Variants in SDK1 observed in about 807,000 individuals in gnomAD.
SDK1 encodes protein sidekick-1.
In SDK1, 157 loss-of-function variants were observed where a neutral mutation model predicts 245.5. The observed-to-expected ratio is 0.64, with a 90% CI of 0.56 to 0.73. SDK1 has a LOEUF of 0.73. Ranked by LOEUF, SDK1 falls within the 30% of genes least tolerant of loss-of-function variation. The probability of loss-of-function intolerance (pLI) is 0.00; values close to 1 mark genes in which losing one functional copy is unlikely to be tolerated. For missense variants in SDK1, 3,583 were observed against 3,002.3 expected, an observed-to-expected ratio of 1.19 and a Z score of -4.52; for synonymous variants, 1,647 against 1,278.5, an observed-to-expected ratio of 1.29 and a Z score of -6.15.
chr7:3,777,418 A>G (rs1262910837), intron 4 of SDK1, among the ~76,000 whole-genome samples: 1 of 152,238 alleles, frequency 6.6e-6, no homozygotes, highest in Non-Finnish European at 1.5e-5. Context: ...ACCTTGTGAG[A>G]TCGTCAGGGC....
At position 3,870,996 on chromosome 7, in the gene SDK1, G is replaced by A. The variant is rs116253188; in HGVS notation, c.847+49413G>A. ...TAAACTATAGATCAAATTGGACGAAGTTGACATCTTCACAACATTGATCTA... is the reference window on the plus strand; with the variant it reads ...TAAACTATAGATCAAATTGGACGAAATTGACATCTTCACAACATTGATCTA... On this transcript the variant is annotated intron_variant, in intron 5 of 44. Coordinates refer to ENST00000404826, the MANE Select transcript of SDK1 (RefSeq NM_152744.4). Among the ~76,000 whole-genome samples, 403 of 152,298 alleles carry A rather than the reference G, an allele frequency of 2.6e-3. 2 individuals carry two copies. The highest frequency in any genetic ancestry group is 9.4e-3 in the African/African-American group (391 of 41,550).
intron 1 of SDK1, among the ~76,000 whole-genome samples, chr7:3,464,333 G>C (rs1780923985): frequency 1.3e-5 from 2 of 152,124 alleles, no homozygotes; most frequent in Admixed American, 6.5e-5. Context: ...AGGCCAGCCT[G>C]AGTAACATAG....
chr7:3,509,340 G>C (rs1782501419), intron 1 of SDK1, among the ~76,000 whole-genome samples: 1 of 152,056 alleles, frequency 6.6e-6, no homozygotes, highest in Non-Finnish European at 1.5e-5. Context: ...AGCTGCTTGG[G>C]TTTGAATCCC....
intron 4 of SDK1, among the ~76,000 whole-genome samples, chr7:3,743,125 T>G (rs1779522920): frequency 6.6e-6 from 1 of 152,090 alleles, no homozygotes. Context: ...TTGGGTGCCT[T>G]GAATGGGAGA....
intron 4 of SDK1, among the ~76,000 whole-genome samples, chr7:3,798,723 A>T (rs1046974844): frequency 6.6e-6 from 1 of 152,124 alleles, no homozygotes; most frequent in Admixed American, 6.5e-5. Context: ...CTGTTCTTAG[A>T]AGCAAGTCTC....
intron 22 of SDK1, among the ~76,000 whole-genome samples, chr7:4,100,133 T>C (rs1243314020): frequency 6.6e-6 from 1 of 152,168 alleles, no homozygotes; most frequent in Admixed American, 6.5e-5. Flanking sequence ...TTTAGAAATA[T>C]TAGCAGGGAA....
chr7:3,594,116 C>T (rs1780977114), intron 1 of SDK1, among the ~76,000 whole-genome samples: 1 of 152,174 alleles, frequency 6.6e-6, no homozygotes, highest in Non-Finnish European at 1.5e-5. Flanking sequence ...TCCTGCCTCT[C>T]TGCCCTGCTT....
rs78857687 is a variant in SDK1, at chr7:3,780,995, G to T, written c.714-40455G>T. Among the ~76,000 whole-genome samples the T allele has an allele frequency of 3.3e-3, 507 of 152,172 alleles. 3 individuals carry two copies. The highest frequency in any genetic ancestry group is 5.0e-3 in the Non-Finnish European group (339 of 68,006). ...TAAGCAGGGAGACTCCCACCTTCAT[G>T]GATTTCAGAAAAGCATAGAGGCTAG... On this transcript the variant is annotated intron_variant, in intron 4 of 44. Coordinates refer to ENST00000404826, the MANE Select transcript of SDK1 (RefSeq NM_152744.4).
intron 1 of SDK1, among the ~76,000 whole-genome samples, chr7:3,319,255 C>G (rs991124725): frequency 6.6e-6 from 1 of 152,084 alleles, no homozygotes; most frequent in Non-Finnish European, 1.5e-5. Flanking sequence ...CTGTGGGAAG[C>G]CCCCACCCTT....
chr7:3,915,609 C>T (rs962241577), intron 5 of SDK1, among the ~76,000 whole-genome samples: 8 of 152,174 alleles, frequency 5.3e-5, no homozygotes, highest in East Asian at 1.9e-4. Flanking sequence ...CACTGCGAGT[C>T]CATTAAGCCT....
rs61735695 is a variant in SDK1 at position 4,077,065 on chromosome 7, G to C, written c.3078G>C (p.Thr1026=). Residue 1026 remains threonine, a synonymous_variant, in exon 21 of 45, where the codon ACG becomes ACC. Coordinates refer to ENST00000404826, the MANE Select transcript of SDK1 (RefSeq NM_152744.4). ...GTCTCACGCACACCCTGAACAGCAC[G>C]ACGCACGAGTACAAGATCCAAGGCC... ...DSRLTHTLNS[T]THEYKIQGLS... The C allele has an allele frequency of 1.2e-6, 2 of 1,614,022 alleles. No homozygotes were observed. Among genetic ancestry groups the C allele is most frequent in the Admixed American group, 3.3e-5 (2 of 59,996 alleles).
chr7:4,113,569 C>T, intron 24 of SDK1, 130 bp downstream of exon 24: 1 of 1,052,022 alleles, frequency 9.5e-7, no homozygotes, highest in East Asian at 2.4e-5. Context: ...ATCGTCAAAC[C>T]AAAAAGTATT....
At chr7:4,139,705 A>ATGTGTGTGTGTGTG (rs368036304) in intron 28 of SDK1, among the ~76,000 whole-genome samples, 1 of 111,872 alleles carries the variant, frequency 8.9e-6, no homozygotes, top group Non-Finnish European at 2.0e-5. Flanking sequence ...GTGTGTGTGT[A>ATGTGTGTGTGTGTG]TGTGTGTGTG....
chr7:3,406,384 G>A (rs1779056312), intron 1 of SDK1, among the ~76,000 whole-genome samples: 1 of 152,136 alleles, frequency 6.6e-6, no homozygotes, highest in South Asian at 2.1e-4. Context: ...GTTTCTTTCT[G>A]TGGAGTTACT....
At chr7:3,495,492 CAA>C (rs1430070259) in intron 1 of SDK1, among the ~76,000 whole-genome samples, 3 of 152,134 alleles carry the variant, frequency 2.0e-5, no homozygotes, top group Non-Finnish European at 4.4e-5. Context: ...CACCCAGCCT[CAA>C]GAGATCCTCC....
intron 1 of SDK1, among the ~76,000 whole-genome samples, chr7:3,581,529 C>T (rs1029529101): frequency 6.6e-6 from 1 of 152,130 alleles, no homozygotes; most frequent in African/African-American, 2.4e-5. Flanking sequence ...GAAAGGGGAG[C>T]ACTTACACAC....
rs1175408279 is a variant in SDK1, at chr7:3,677,238, T to C, written c.713+35133T>C. The stretch of plus-strand genomic sequence containing the variant: ...TGTGTGTGCATGTAGGTGTGTACAC[T>C]ATTTTTATTTAACATACGATAAGCA... On this transcript the variant is annotated intron_variant, in intron 4 of 44. Coordinates refer to ENST00000404826, the MANE Select transcript of SDK1 (RefSeq NM_152744.4). 4.6e-5 allele frequency among the ~76,000 whole-genome samples: 7 copies of C among 152,146 alleles called. No homozygotes were observed. The East Asian group carries it at 1.3e-3, about 29-fold the overall frequency.
chr7:3,663,024 A>G (rs549326432), intron 4 of SDK1, among the ~76,000 whole-genome samples: 1 of 152,248 alleles, frequency 6.6e-6, no homozygotes, highest in Admixed American at 6.5e-5. Flanking sequence ...GTGTATGCAT[A>G]TATGTGTGTA....
intron 1 of SDK1, among the ~76,000 whole-genome samples, chr7:3,605,145 A>AAC (rs3086077): frequency 1.5e-3 from 221 of 147,378 alleles, no homozygotes; most frequent in Middle Eastern, 0.01. Context: ...AAAAACAAGA[A>AAC]ACACACACAC....
Sources: gnomAD v4.1 joint callset for allele counts (sites outside exome capture counted in the v4.1 genomes callset) on GRCh38, gnomAD v4.1.1 for gene constraint, MANE v1.5 for transcripts, NCBI Gene and HGNC (gene_info 2026-07-23, HGNC 2026-07-21) for gene names.